MFSD8: variants seen among roughly 807,000 people sequenced by gnomAD.
MFSD8 encodes major facilitator superfamily domain-containing protein 8.
A neutral mutation model predicts 66.4 loss-of-function variants in MFSD8; 55 were observed. That is an observed-to-expected ratio of 0.83 (90% CI 0.67 to 1.04). MFSD8 has a LOEUF of 1.04. MFSD8 is among the 50% of genes least tolerant of loss of function. The pLI is 0.00. For synonymous variants in MFSD8, 202 were observed against 212.8 expected (o/e 0.95, Z 0.44); for missense variants, 550 against 627.6 (o/e 0.88, Z 1.32).
chr4:127,918,616 A>C lies in MFSD8; in HGVS notation c.*2014T>G, dbSNP rs1736052245. 1 of 152,222 alleles carries C rather than the reference A, an allele frequency of 6.6e-6. No homozygotes were observed. 9.4% of individuals were successfully genotyped at this position (152,222 alleles called of 1,614,324 possible). A position where few individuals can be genotyped will look rare whatever the true frequency, so the allele number is the denominator to read the frequency against. ...TAAATTACCCTACAATTAGTGATTA[A>C]TTGAAACTGCAACTTTCTGGGATAT... On this transcript the variant is annotated 3_prime_UTR_variant, in exon 12 of 12. Coordinates refer to ENST00000641686, the MANE Select transcript of MFSD8 (RefSeq NM_001371596.2).
chr4:127,964,858 G>C (rs1360308688), intron 1 of MFSD8: 1 of 631,584 alleles, frequency 1.6e-6, no homozygotes, highest in Non-Finnish European at 2.8e-6. Context: ...CCCGTCACTC[G>C]AACCCACGGG....
At chr4:127,940,785 C>T (rs1740058525) in intron 5 of MFSD8, among the ~76,000 whole-genome samples, 1 of 150,756 alleles carries the variant, frequency 6.6e-6, no homozygotes, top group Admixed American at 6.6e-5. Flanking sequence ...TACTGGTTTG[C>T]TCTTCTGATT....
rs977023799 is a variant in MFSD8 at position 127,919,699 on chromosome 4, T to C, written c.*931A>G. 1 of 152,074 alleles carries C rather than the reference T, an allele frequency of 6.6e-6. No individual in the cohort carries two copies. The highest frequency in any genetic ancestry group is 2.1e-4 in the South Asian group (1 of 4,822). The allele number at this position is 152,074 out of a possible 1,614,324, so 9.4% of individuals were successfully genotyped here. On this transcript the variant is annotated 3_prime_UTR_variant, in exon 12 of 12. Coordinates refer to ENST00000641686, the MANE Select transcript of MFSD8 (RefSeq NM_001371596.2). ...CTATGCAGACATAGATTGAAAACTG[T>C]TGTGTTCCTCCCCGCCACTACTGAG...
chr4:127,931,545 A>G (rs542052667), intron 8 of MFSD8, among the ~76,000 whole-genome samples: 52 of 152,216 alleles, frequency 3.4e-4, no homozygotes, highest in Non-Finnish European at 6.0e-4. Context: ...TTTAGTATAG[A>G]CAGGGTTTCA....
At chr4:127,934,573 A>ATTTTTTTTT (rs748038560) in intron 7 of MFSD8, 1 of 126,864 alleles carries the variant, frequency 7.9e-6, no homozygotes, top group African/African-American at 2.9e-5. Context: ...TAAGCCAGGT[A>ATTTTTTTTT]TTTTTTTTTT....
chr4:127,965,193 C>G (rs532558333), upstream of MFSD8: 1 of 1,603,880 alleles, frequency 6.2e-7, no homozygotes, highest in East Asian at 2.2e-5. Flanking sequence ...TTTCTCCCAT[C>G]CCGGGTGGCG....
intron 11 of MFSD8, 142 bp downstream of exon 11, chr4:127,921,382 T>C (rs905512259): frequency 7.4e-7 from 1 of 1,354,400 alleles, no homozygotes. Context: ...ATAGAAGTTG[T>C]GGGATTTTTA....
rs1011060343 is a variant in MFSD8 at position 127,964,476 on chromosome 4, C to G, written c.62+596G>C. Among the ~76,000 whole-genome samples the G allele has an allele frequency of 5.3e-5, 8 of 152,232 alleles. No individual in the cohort carries two copies. In the East Asian group the frequency reaches 7.7e-4, roughly 15 times the overall value. ...CAGCACACCCTCCGCAGCCGCTGGC[C>G]CGGGTGCTAAGCCCCTCATTGCCCG... is the stretch of plus-strand genomic sequence containing the variant. On this transcript the variant is annotated intron_variant, in intron 1 of 11. Coordinates refer to ENST00000641686, the MANE Select transcript of MFSD8 (RefSeq NM_001371596.2).
chr4:127,943,439 C>A, intron 4 of MFSD8: 1 of 259,956 alleles, frequency 3.8e-6, no homozygotes, highest in South Asian at 4.6e-5. Flanking sequence ...AGGCTGGCCT[C>A]GAACTCCTGG....
intron 4 of MFSD8, 36 bp from the exon 5 acceptor site, chr4:127,942,194 A>T: frequency 6.7e-7 from 1 of 1,490,548 alleles, no homozygotes; most frequent in Non-Finnish European, 9.4e-7. Context: ...AAGTAAAAGA[A>T]AGTATCATTC....
rs762496121 is a variant in MFSD8 at position 127,943,763 on chromosome 4, C to T, written c.428G>A (p.Gly143Glu). The T allele has an allele frequency of 5.0e-6, 8 of 1,613,940 alleles. No homozygotes were observed. Among genetic ancestry groups the T allele is most frequent in the Non-Finnish European group, 6.8e-6 (8 of 1,180,036 alleles). Residue 143 changes from glycine to glutamate, a missense_variant, in exon 4 of 12, where the codon GGA (glycine) becomes GAA (glutamate). Physicochemically the swap from Gly to Glu is moderately conservative, Grantham distance 98. Transcript: ENST00000641686. ...ACATACAACCTTACCTGCTCCAATT[C>T]CCAACAATCCACGAGCAACCAGCAT... Reference protein sequence around the residue: ...YYMLVARGLLGIGAGNVAVVR... With the variant: ...YYMLVARGLLEIGAGNVAVVR...
In MFSD8 at chr4:127,943,450, G is replaced by T. The variant is rs148989892; in HGVS notation, c.439+302C>A. ...ACCCAGGCTGGCCTCGAACTCCTGG[G>T]CTCAAGAGATTCTGCTACCTCAGTC... On this transcript the variant is annotated intron_variant, in intron 4 of 11. Transcript: ENST00000641686. 7.5e-4 allele frequency: 237 copies of T among 316,112 alleles called. 2 individuals are homozygous for T. Among genetic ancestry groups the T allele is most frequent in the African/African-American group, 4.6e-3 (206 of 45,270 alleles). 19.6% of individuals were successfully genotyped at this position (316,112 alleles called of 1,614,324 possible). A position where few individuals can be genotyped will look rare whatever the true frequency, so the allele number is the denominator to read the frequency against.
Position 127,919,141 on chromosome 4 carries a change from G to GA in MFSD8, c.*1488dup, listed in dbSNP as rs1736089213. 6.6e-6 allele frequency: 1 copy of GA among 152,188 alleles called. No individual in the cohort carries two copies. The highest frequency in any genetic ancestry group is 2.4e-5 in the African/African-American group (1 of 41,448). The allele number at this position is 152,188 out of a possible 1,614,324, so 9.4% of individuals were successfully genotyped here. Reference sequence around the variant, plus strand: ...TCAAATTAAGCCCTTTATTAGAGCTGAAAAAATTGAGTTTAAGAGCACAGC... The same window carrying GA: ...TCAAATTAAGCCCTTTATTAGAGCTGAAAAAAATTGAGTTTAAGAGCACAGC... On this transcript the variant is annotated 3_prime_UTR_variant, in exon 12 of 12. Coordinates refer to ENST00000641686, the MANE Select transcript of MFSD8 (RefSeq NM_001371596.2).
chr4:127,938,555 C>T (rs1193781505), intron 7 of MFSD8, among the ~76,000 whole-genome samples: 3 of 149,116 alleles, frequency 2.0e-5, no homozygotes, highest in Non-Finnish European at 3.0e-5. Context: ...TGCACTCCAG[C>T]CTGGGCGACA....
chr4:127,942,330 A>T (rs1740322762), intron 4 of MFSD8, among the ~76,000 whole-genome samples, 172 bp from the exon 5 acceptor site: 1 of 152,214 alleles, frequency 6.6e-6, no homozygotes. Flanking sequence ...CAAATGCATC[A>T]ATTAATGGAC....
chr4:127,947,656 T>A (rs1237540095), intron 3 of MFSD8, among the ~76,000 whole-genome samples: 1 of 144,914 alleles, frequency 6.9e-6, no homozygotes, highest in Non-Finnish European at 1.5e-5. Context: ...GAAGAGTGAA[T>A]AAAAGACAGT....
intron 2 of MFSD8, among the ~76,000 whole-genome samples, chr4:127,955,711 T>C (rs1023800801): frequency 1.3e-5 from 2 of 152,114 alleles, no homozygotes; most frequent in African/African-American, 2.4e-5. Context: ...AGAGAATAGA[T>C]TGAATTTTGT....
At chr4:127,927,826 A>G (rs923064785) in intron 9 of MFSD8, among the ~76,000 whole-genome samples, 1 of 152,058 alleles carries the variant, frequency 6.6e-6, no homozygotes, top group Non-Finnish European at 1.5e-5. Context: ...AGCTGGGACT[A>G]CAGGCGTGCT....
Position 127,918,378 on chromosome 4 carries a change from A to G in MFSD8, c.*2252T>C, listed in dbSNP as rs934306144. On this transcript the variant is annotated 3_prime_UTR_variant, in exon 12 of 12. Transcript: ENST00000641686. The stretch of plus-strand genomic sequence containing the variant: ...AATCCTCCAAAGAAGAAAATGCTCC[A>G]AAGAAAATGCTCTCAATAAAAAGGA... 2.0e-5 allele frequency: 3 copies of G among 152,222 alleles called. No homozygotes were observed. Among genetic ancestry groups the G allele is most frequent in the Non-Finnish European group, 4.4e-5 (3 of 68,040 alleles). The allele number at this position is 152,222 out of a possible 1,614,324, so 9.4% of individuals were successfully genotyped here.
Sources: gnomAD v4.1 joint callset for allele counts (sites outside exome capture counted in the v4.1 genomes callset) on GRCh38, gnomAD v4.1.1 for gene constraint, MANE v1.5 for transcripts, NCBI Gene and HGNC (gene_info 2026-07-23, HGNC 2026-07-21) for gene names.